Variants in APLF observed in about 807,000 individuals in gnomAD.
APLF encodes the protein aprataxin and PNK-like factor.
Under a neutral mutation model 55.6 loss-of-function variants are expected in APLF, and 61 were observed. That is an observed-to-expected ratio of 1.10 (90% CI 0.89 to 1.36). APLF has a LOEUF of 1.36. Ranked by LOEUF, APLF falls within the 40% of genes most tolerant of loss-of-function variation. APLF has a pLI of 0.00. For missense variants in APLF, 611 were observed against 602.5 expected (o/e 1.01, Z -0.15); for synonymous variants, 207 against 214.8 (o/e 0.96, Z 0.32).
At chr2:68,508,707 T>C (rs1304603342) in intron 3 of APLF, among the ~76,000 whole-genome samples, 1 of 151,966 alleles carries the variant, frequency 6.6e-6, no homozygotes, top group African/African-American at 2.4e-5. Context: ...CTTCACAGAA[T>C]TGGAAAAAAC....
chr2:68,534,761 T>C lies in APLF; in HGVS notation c.805-3111T>C, dbSNP rs182469885. 2.6e-3 allele frequency among the ~76,000 whole-genome samples: 396 copies of C among 152,324 alleles called. 2 individuals carry two copies. Among genetic ancestry groups the C allele is most frequent in the Non-Finnish European group, 2.3e-3 (157 of 68,030 alleles). On this transcript the variant is annotated intron_variant, in intron 6 of 9. Transcript: ENST00000303795. ...AGCAATGTGGGATGCTTAGGAAATA[T>C]AGAGCTCTCTGCCTTTCTCCTACTT... is the stretch of plus-strand genomic sequence containing the variant.
At chr2:68,511,697 C>T (rs577266642) in intron 3 of APLF, among the ~76,000 whole-genome samples, 1 of 151,566 alleles carries the variant, frequency 6.6e-6, no homozygotes, top group South Asian at 2.1e-4. Context: ...ACACCTGTAA[C>T]CTGTGAGTAA....
At chr2:68,569,890 A>C (rs1482774084) in intron 9 of APLF, among the ~76,000 whole-genome samples, 3 of 152,168 alleles carry the variant, frequency 2.0e-5, no homozygotes, top group African/African-American at 7.2e-5. Flanking sequence ...GATAGAGAAT[A>C]GGGTGAACTG....
Position 68,513,131 on chromosome 2 carries a change from C to T in APLF, c.393C>T (p.Ser131=). 1 of 1,610,918 alleles carries T rather than the reference C, an allele frequency of 6.2e-7. No homozygotes were observed. Among genetic ancestry groups the T allele is most frequent in the Non-Finnish European group, 8.5e-7 (1 of 1,178,122 alleles). Residue 131 remains serine, a synonymous_variant, in exon 4 of 10, where the codon TCC becomes TCT. Transcript: ENST00000303795. ...EDNILNETPK[S]PVINLPHETT... ...ATATATTGAATGAAACACCAAAATC[C>T]CCCGTGATTAATTTACCTCATGAGA...
chr2:68,508,676 C>T (rs544498178), intron 3 of APLF, among the ~76,000 whole-genome samples: 19 of 152,144 alleles, frequency 1.2e-4, no homozygotes, highest in African/African-American at 3.6e-4. Flanking sequence ...GTGCCATCCC[C>T]ATCAAGCTAC....
intron 7 of APLF, among the ~76,000 whole-genome samples, chr2:68,538,495 G>A (rs12713645): frequency 0.23 from 34,267 of 152,046 alleles, 5,970 homozygotes; most frequent in African/African-American, 0.5. Flanking sequence ...CAGACATGAA[G>A]ACTGAATCCC....
intron 8 of APLF, among the ~76,000 whole-genome samples, chr2:68,566,336 T>C (rs1573273060): frequency 6.6e-6 from 1 of 152,090 alleles, no homozygotes. Context: ...CAGAAGATGT[T>C]CTTATTTTTC....
intron 9 of APLF, among the ~76,000 whole-genome samples, chr2:68,575,940 A>T (rs1671608749): frequency 6.6e-6 from 1 of 152,168 alleles, no homozygotes; most frequent in Non-Finnish European, 1.5e-5. Context: ...GACTGGATGG[A>T]ATCATCTAAG....
rs1283477738 is a variant in APLF, at chr2:68,525,730, TTTTC to T, written c.623-319_623-316del. On this transcript the variant is annotated intron_variant, in intron 5 of 9. Transcript: ENST00000303795. ...CTTACTTGCCCTTTTATCCTTTTTATTTTCTTTCTTTCTTTTTTTTTTTTTTTTT... is the reference window on the plus strand; with the variant it reads ...CTTACTTGCCCTTTTATCCTTTTTATTTTCTTTCTTTTTTTTTTTTTTTTT... 4.9e-4 allele frequency among the ~76,000 whole-genome samples: 72 copies of T among 146,200 alleles called. No individual in the cohort carries two copies. In the South Asian group the frequency reaches 8.3e-3, roughly 17 times the overall value.
chr2:68,563,191 G>A (rs1354525496), intron 8 of APLF: 10 of 985,090 alleles, frequency 1.0e-5, no homozygotes, highest in Non-Finnish European at 1.2e-5. Context: ...AAAAGAGCAC[G>A]TTCTAGGAAA....
intron 2 of APLF, among the ~76,000 whole-genome samples, chr2:68,493,542 A>G (rs1360619183): frequency 6.6e-6 from 1 of 152,248 alleles, no homozygotes; most frequent in Non-Finnish European, 1.5e-5. Context: ...CGTTTATCAA[A>G]AGACACTATA....
At chr2:68,562,140 C>T (rs964161814) in intron 8 of APLF, among the ~76,000 whole-genome samples, 1 of 151,806 alleles carries the variant, frequency 6.6e-6, no homozygotes, top group Non-Finnish European at 1.5e-5. Flanking sequence ...ATGCCAGGCA[C>T]AGAAAGGCAG....
intron 6 of APLF, among the ~76,000 whole-genome samples, chr2:68,532,611 G>A (rs879544952): frequency 2.0e-5 from 3 of 152,180 alleles, no homozygotes; most frequent in Non-Finnish European, 4.4e-5. Context: ...ATTAGACTAT[G>A]TAAAGAGTTT....
intron 5 of APLF, among the ~76,000 whole-genome samples, chr2:68,516,741 T>G (rs953538597): frequency 2.0e-5 from 3 of 149,058 alleles, no homozygotes; most frequent in Non-Finnish European, 3.0e-5. Context: ...TCCAATTACA[T>G]CCAGGTTGCT....
Position 68,578,957 on chromosome 2 carries a change from C to CT in APLF, c.*938dup. 3.0e-6 allele frequency: 3 copies of CT among 984,776 alleles called. No homozygotes were observed. Among genetic ancestry groups the CT allele is most frequent in the Non-Finnish European group, 3.6e-6 (3 of 829,400 alleles). The allele number at this position is 984,776 out of a possible 1,614,324, so 61.0% of individuals were successfully genotyped here. A position where few individuals can be genotyped will look rare whatever the true frequency, so the allele number is the denominator to read the frequency against. On this transcript the variant is annotated 3_prime_UTR_variant, in exon 10 of 10. Coordinates refer to ENST00000303795, the MANE Select transcript of APLF (RefSeq NM_173545.3). ...TTTCTGTATTTCTGTTCTAAAACTA[C>CT]TTTAAGCCCTATAATGCTCTTCATA...
intron 2 of APLF, 23 bp downstream of exon 2, chr2:68,490,284 A>ATTTT: frequency 6.2e-7 from 1 of 1,600,210 alleles, no homozygotes; most frequent in Non-Finnish European, 8.5e-7. Context: ...TTAATGATTC[A>ATTTT]TTTTAACTTT....
chr2:68,518,999 ATAT>A (rs1225533965), intron 5 of APLF, among the ~76,000 whole-genome samples: 62 of 121,424 alleles, frequency 5.1e-4, no homozygotes, highest in African/African-American at 2.1e-3. Context: ...ATCTGATAAT[ATAT>A]TATTAATATA....
At position 68,467,976 on chromosome 2, in the gene APLF, A is replaced by C. The variant is rs114242366; in HGVS notation, c.96+149A>C. 4.3e-3 allele frequency: 2,035 copies of C among 477,250 alleles called. 44 individuals are homozygous for C. The highest frequency in any genetic ancestry group is 0.037 in the African/African-American group (1,849 of 50,140). 29.6% of individuals were successfully genotyped at this position (477,250 alleles called of 1,614,324 possible). Reference sequence around the variant, plus strand: ...GTTTGGGGCCGCACGTTTTTCAGTTACCTTTAAGCCAATTCACAAACATTT... The same window carrying C: ...GTTTGGGGCCGCACGTTTTTCAGTTCCCTTTAAGCCAATTCACAAACATTT... On this transcript the variant is annotated intron_variant, in intron 1 of 9. Transcript: ENST00000303795.
chr2:68,520,080 A>G (rs1002549533), intron 5 of APLF, among the ~76,000 whole-genome samples: 1 of 151,698 alleles, frequency 6.6e-6, no homozygotes, highest in Non-Finnish European at 1.5e-5. Flanking sequence ...GATGTTGATC[A>G]TTTTTTCATA....
Sources: gnomAD v4.1 joint callset for allele counts (sites outside exome capture counted in the v4.1 genomes callset) on GRCh38, gnomAD v4.1.1 for gene constraint, MANE v1.5 for transcripts, NCBI Gene and HGNC (gene_info 2026-07-23, HGNC 2026-07-21) for gene names.